The following TPTE2 variants were observed in gnomAD, a reference collection of about 807,000 sequenced individuals.
The protein encoded by TPTE2 is phosphatidylinositol 3,4,5-trisphosphate 3-phosphatase TPTE2.
In TPTE2, 53 loss-of-function variants were observed where a neutral mutation model predicts 78.6. The observed-to-expected ratio is 0.67, with a 90% CI of 0.54 to 0.85. The LOEUF (loss-of-function observed/expected upper bound fraction) is 0.85. Ranked by LOEUF, TPTE2 falls within the 40% of genes least tolerant of loss-of-function variation. The probability of loss-of-function intolerance (pLI) is 0.00; values close to 1 mark genes in which losing one functional copy is unlikely to be tolerated. For missense variants in TPTE2, 461 were observed against 623.0 expected (o/e 0.74, Z 2.77); for synonymous variants, 175 against 206.2 (o/e 0.85, Z 1.30).
the TPTE2 span, among the ~76,000 whole-genome samples, chr13:19,543,476 GC>G: frequency 1.3e-5 from 2 of 151,328 alleles, no homozygotes; most frequent in Non-Finnish European, 2.9e-5. Context: ...CCTGCCTCAG[GC>G]CCCCGTGTAG....
chr13:19,504,054 T>C (rs1386191143), upstream of TPTE2, among the ~76,000 whole-genome samples: 1 of 152,100 alleles, frequency 6.6e-6, no homozygotes, highest in Non-Finnish European at 1.5e-5. Context: ...TATTGATTTA[T>C]TTATGTCTCA....
chr13:19,513,391 T>C (rs899997560), intron 1 of TPTE2, among the ~76,000 whole-genome samples: 1 of 152,192 alleles, frequency 6.6e-6, no homozygotes, highest in African/African-American at 2.4e-5. Flanking sequence ...GAAAACTATT[T>C]TCCCATGAAT....
At chr13:19,483,183 T>A (rs192675457) in intron 3 of TPTE2, among the ~76,000 whole-genome samples, 2 of 152,186 alleles carry the variant, frequency 1.3e-5, no homozygotes, top group African/African-American at 4.8e-5. Context: ...TGGTTGCCAA[T>A]GGTTGGAGTG....
intron 1 of TPTE2, among the ~76,000 whole-genome samples, chr13:19,526,303 A>C (rs2137732034): frequency 6.6e-6 from 1 of 152,294 alleles, no homozygotes. Flanking sequence ...ATCAATGGTG[A>C]ACTGAATTTA....
intron 18 of TPTE2, among the ~76,000 whole-genome samples, chr13:19,425,990 G>T (rs2497214): frequency 0.99 from 149,581 of 151,680 alleles, 73,791 homozygotes; most frequent in Middle Eastern, 1. Context: ...GCCCAGGAGG[G>T]TGAAGCTACA....
Position 19,535,880 on chromosome 13 carries a change from C to T in TPTE2, c.-44+716G>A, listed in dbSNP as rs756747309. 2.9e-4 allele frequency among the ~76,000 whole-genome samples: 44 copies of T among 152,124 alleles called. No individual in the cohort carries two copies. Among genetic ancestry groups the T allele is most frequent in the Non-Finnish European group, 5.3e-4 (36 of 68,030 alleles). ...CGAACTCCTGGCCTCAAGTGATCTG[C>T]CTGCCTTGGCCTCCCAAAGTGCTGG... On this transcript the variant is annotated intron_variant, in intron 1 of 17. Transcript: ENST00000390680. This position sits in a 1 kb window ranked among gnomAD's most constrained non-coding sequence, Gnocchi z 5.1.
At chr13:19,490,790 G>C (rs961590393) in intron 3 of TPTE2, among the ~76,000 whole-genome samples, 21 of 152,206 alleles carry the variant, frequency 1.4e-4, no homozygotes, top group Non-Finnish European at 1.2e-4. Flanking sequence ...GGGTCTATTA[G>C]CTTTGCTCTT....
chr13:19,513,653 A>G (rs1170896514), intron 1 of TPTE2, among the ~76,000 whole-genome samples: 1 of 152,206 alleles, frequency 6.6e-6, no homozygotes, highest in Admixed American at 6.5e-5. Flanking sequence ...ATGTAAATCT[A>G]TTATTTGGCA....
chr13:19,518,037 G>T (rs1378794258), intron 1 of TPTE2, among the ~76,000 whole-genome samples: 1 of 152,082 alleles, frequency 6.6e-6, no homozygotes, highest in African/African-American at 2.4e-5. Flanking sequence ...TAACCAGAGG[G>T]CTCAGTTATC....
At chr13:19,483,092 C>A (rs924408861) in intron 3 of TPTE2, among the ~76,000 whole-genome samples, 7 of 152,228 alleles carry the variant, frequency 4.6e-5, no homozygotes, top group African/African-American at 1.7e-4. Context: ...TAATGATCAC[C>A]TAAGCCTTTA....
upstream of TPTE2, among the ~76,000 whole-genome samples, chr13:19,540,588 A>T (rs1309477363): frequency 6.6e-6 from 1 of 152,120 alleles, no homozygotes; most frequent in Non-Finnish European, 1.5e-5. Context: ...TACAGTCATG[A>T]GCCACTGCAC....
At chr13:19,547,911 T>G in the TPTE2 span, among the ~76,000 whole-genome samples, 1 of 151,380 alleles carries the variant, frequency 6.6e-6, no homozygotes, top group Non-Finnish European at 1.5e-5. Context: ...TAATATTCTT[T>G]TATATCATTT....
intron 13 of TPTE2, among the ~76,000 whole-genome samples, chr13:19,441,725 A>G (rs772226041): frequency 1.6e-3 from 244 of 152,258 alleles, no homozygotes; most frequent in Non-Finnish European, 2.8e-3. Context: ...TATTGACAGC[A>G]TTTTCTTTAA....
chr13:19,477,478 T>A (rs1880040914), intron 4 of TPTE2, among the ~76,000 whole-genome samples: 1 of 152,134 alleles, frequency 6.6e-6, no homozygotes, highest in African/African-American at 2.4e-5. Context: ...ACCCACCACC[T>A]CCGCCCAGGC....
At chr13:19,546,397 C>G in the TPTE2 span, among the ~76,000 whole-genome samples, 5 of 151,096 alleles carry the variant, frequency 3.3e-5, no homozygotes, top group Non-Finnish European at 7.4e-5. Context: ...GTAATCCCAA[C>G]ACTTTGGGAA....
intron 13 of TPTE2, among the ~76,000 whole-genome samples, chr13:19,449,683 G>A (rs1213615606): frequency 6.6e-6 from 1 of 151,810 alleles, no homozygotes; most frequent in Non-Finnish European, 1.5e-5. Context: ...TAAATATATT[G>A]ATTTTTTTGT....
At chr13:19,452,629 A>G (rs543767345) in intron 10 of TPTE2, among the ~76,000 whole-genome samples, 55 of 152,326 alleles carry the variant, frequency 3.6e-4, no homozygotes, top group Non-Finnish European at 7.1e-4. Flanking sequence ...ATTTGCACCC[A>G]TGAAATTAGC....
At chr13:19,445,021 A>G (rs1373106587) in intron 13 of TPTE2, among the ~76,000 whole-genome samples, 1 of 152,184 alleles carries the variant, frequency 6.6e-6, no homozygotes, top group Non-Finnish European at 1.5e-5. Context: ...ATAGTAGTAA[A>G]ATGTCCTTTA....
At chr13:19,465,346 G>A in intron 8 of TPTE2, 28 bp from the exon 12 acceptor site, 8 of 1,613,564 alleles carry the variant, frequency 5.0e-6, no homozygotes, top group Non-Finnish European at 3.4e-6. Flanking sequence ...TCATTAGTTT[G>A]TGAAACATTC....
Sources: gnomAD v4.1 joint callset for allele counts (sites outside exome capture counted in the v4.1 genomes callset) on GRCh38, gnomAD v4.1.1 for gene constraint, Gnocchi (gnomAD v3.1) non-coding constraint, MANE v1.5 for transcripts, NCBI Gene and HGNC (gene_info 2026-07-23, HGNC 2026-07-21) for gene names.